DGKK: variants seen among roughly 807,000 people sequenced by gnomAD.
The protein encoded by DGKK is 142 kDa diacylglycerol kinase.
DGKK carries 35 observed loss-of-function variants against 92.2 expected under a neutral mutation model. The observed-to-expected ratio is 0.38, with a 90% CI of 0.29 to 0.50. The LOEUF (loss-of-function observed/expected upper bound fraction) is 0.50. Among genes scored for constraint, DGKK ranks in the 20% least tolerant of loss-of-function variants. The pLI, the probability that DGKK is intolerant of heterozygous loss-of-function variation, is 0.92. For missense variants in DGKK, 910 were observed against 992.2 expected (o/e 0.92, Z 1.11); for synonymous variants, 368 against 360.6 (o/e 1.02, Z -0.23).
intron 4 of DGKK, among the ~76,000 whole-genome samples, chrX:50,416,970 A>G (rs781793446): frequency 1.8e-5 from 2 of 109,779 alleles, no homozygotes; most frequent in African/African-American, 3.3e-5. Flanking sequence ...GAAAAGAACT[A>G]AGATATTAAT....
At chrX:50,381,463 G>A (rs1215101473) in intron 18 of DGKK, among the ~76,000 whole-genome samples, 3 of 111,071 alleles carry the variant, frequency 2.7e-5, no homozygotes, top group South Asian at 3.8e-4. Flanking sequence ...ACAAGACTCC[G>A]TCTCCAAGAA....
At chrX:50,373,190 C>T (rs1281049957) in intron 25 of DGKK, among the ~76,000 whole-genome samples, 1 of 112,289 alleles carries the variant, frequency 8.9e-6, no homozygotes, top group Non-Finnish European at 1.9e-5. Flanking sequence ...CAATTTACTT[C>T]CCTTTACTAA....
chrX:50,425,875 A>T (rs890784669), intron 1 of DGKK, among the ~76,000 whole-genome samples: 3 of 112,094 alleles, frequency 2.7e-5, no homozygotes, highest in Non-Finnish European at 5.6e-5. Context: ...TGCTATAAGC[A>T]TTAATAATAT....
At chrX:50,379,529 A>T in intron 20 of DGKK, 98 bp downstream of exon 20, 2 of 696,848 alleles carry the variant, frequency 2.9e-6, no homozygotes, top group Non-Finnish European at 4.4e-6. Flanking sequence ...CTCTTCTCCC[A>T]TTGTCTATTT....
intron 8 of DGKK, among the ~76,000 whole-genome samples, chrX:50,395,857 C>G (rs782080291): frequency 3.7e-5 from 4 of 108,903 alleles, no homozygotes; most frequent in Non-Finnish European, 7.6e-5. Flanking sequence ...AATAGGCACT[C>G]TCATACACCA....
At chrX:50,400,877 G>A (rs1924983619) in intron 8 of DGKK, among the ~76,000 whole-genome samples, 160 bp downstream of exon 8, 1 of 111,138 alleles carries the variant, frequency 9.0e-6, no homozygotes, top group Admixed American at 9.6e-5. Context: ...AATCCCAAAG[G>A]TAAGAGAACC....
intron 4 of DGKK, among the ~76,000 whole-genome samples, chrX:50,415,108 G>A (rs1439450153): frequency 9.0e-6 from 1 of 111,636 alleles, no homozygotes; most frequent in Non-Finnish European, 1.9e-5. Context: ...GTCCAGCAGA[G>A]CCCTGGGGAC....
intron 1 of DGKK, among the ~76,000 whole-genome samples, chrX:50,430,673 A>G (rs1285779725): frequency 3.6e-5 from 4 of 111,658 alleles, no homozygotes; most frequent in African/African-American, 1.3e-4. Context: ...AGCTTTGGAA[A>G]ACTCTGCTTC....
At chrX:50,417,534 TCTAA>T (rs1184420521) in intron 4 of DGKK, among the ~76,000 whole-genome samples, 1 of 110,676 alleles carries the variant, frequency 9.0e-6, no homozygotes, top group Non-Finnish European at 1.9e-5. Context: ...GCTCCTTATT[TCTAA>T]CTTTCTCCTT....
chrX:50,404,634 C>T (rs1368714175), intron 4 of DGKK, among the ~76,000 whole-genome samples: 5 of 109,494 alleles, frequency 4.6e-5, no homozygotes, highest in South Asian at 4.0e-4. Context: ...TTAGTAGAGA[C>T]GGGGTCAAGT....
chrX:50,438,258 C>T (rs1381122280), intron 1 of DGKK, among the ~76,000 whole-genome samples: 5 of 111,122 alleles, frequency 4.5e-5, no homozygotes. Flanking sequence ...AATTAAAAAG[C>T]AATGTTCTAA....
At chrX:50,469,811 C>T (rs906762661) in intron 1 of DGKK, among the ~76,000 whole-genome samples, 2 of 112,280 alleles carry the variant, frequency 1.8e-5, no homozygotes, top group Non-Finnish European at 3.8e-5. Context: ...CTGTCACCCC[C>T]GTTTCTAGCC....
At chrX:50,403,425 C>A (rs1379565374) in intron 6 of DGKK, 66 bp downstream of exon 6, 14 of 1,029,055 alleles carry the variant, frequency 1.4e-5, no homozygotes, top group Non-Finnish European at 1.9e-5. Flanking sequence ...TCTTCCTCCC[C>A]CTGTGTATCC....
intron 1 of DGKK, among the ~76,000 whole-genome samples, chrX:50,461,121 G>A (rs1318978056): frequency 1.8e-5 from 2 of 112,105 alleles, no homozygotes; most frequent in Non-Finnish European, 3.8e-5. Context: ...TGCAACAATT[G>A]TGTCTACATA....
chrX:50,395,027 G>T (rs376924384), intron 8 of DGKK, among the ~76,000 whole-genome samples: 3 of 110,531 alleles, frequency 2.7e-5, no homozygotes, highest in African/African-American at 6.6e-5. Flanking sequence ...GAGTGAGTGG[G>T]GGGGGAGTGG....
intron 24 of DGKK, among the ~76,000 whole-genome samples, chrX:50,375,655 G>A (rs1557223743): frequency 8.9e-6 from 1 of 111,911 alleles, no homozygotes; most frequent in African/African-American, 3.2e-5. Flanking sequence ...CGAGGCACCC[G>A]GAAGTTCTAG....
chrX:50,404,140 A>G lies in DGKK; in HGVS notation c.987T>C (p.Cys329=), dbSNP rs782493136. Residue 329 remains cysteine (C), a synonymous_variant, in exon 5 of 28, where the codon TGT becomes TGC. Transcript: ENST00000611977. ...ENNPFLVGMH[C]WYSSYSHRTQ... ...TCCGGTGGCTGTAACTGGAGTACCA[A>G]CAATGCATTCCAACAAGAAAAGGGT... 8.3e-7 allele frequency: 1 copy of G among 1,210,782 alleles called. No homozygotes were observed. The highest frequency in any genetic ancestry group is 1.8e-5 in the South Asian group (1 of 56,656).
intron 1 of DGKK, among the ~76,000 whole-genome samples, chrX:50,448,567 A>G (rs1926422881): frequency 9.0e-6 from 1 of 111,301 alleles, no homozygotes; most frequent in Non-Finnish European, 1.9e-5. Context: ...CACAGCCACA[A>G]ATGGACTCAA....
chrX:50,410,591 C>A (rs1418827926), intron 4 of DGKK, among the ~76,000 whole-genome samples: 1 of 111,772 alleles, frequency 8.9e-6, no homozygotes, highest in Non-Finnish European at 1.9e-5. Context: ...CTACAGAAAT[C>A]CAACTGGCAA....
Sources: allele counts gnomAD v4.1 joint callset (sites outside exome capture counted in the v4.1 genomes callset), GRCh38; gene constraint gnomAD v4.1.1; transcripts MANE v1.5; gene names NCBI Gene and HGNC (gene_info 2026-07-23, HGNC 2026-07-21).